ANKRD12: variants seen among roughly 807,000 people sequenced by gnomAD.
ANKRD12 encodes ankyrin repeat domain 12.
In ANKRD12, 85 loss-of-function variants were observed where a neutral mutation model predicts 183.4. That is an observed-to-expected ratio of 0.46 (90% CI 0.39 to 0.56). The LOEUF is 0.56. ANKRD12 is among the 20% of genes least tolerant of loss of function. The probability of loss-of-function intolerance (pLI) is 0.00; values close to 1 mark genes in which losing one functional copy is unlikely to be tolerated. For missense variants in ANKRD12, 2,405 were observed against 2,357.1 expected (o/e 1.02, Z -0.42); for synonymous variants, 914 against 800.2 (o/e 1.14, Z -2.40).
At chr18:9,149,757 C>T (rs1209795363) in intron 1 of ANKRD12, among the ~76,000 whole-genome samples, 1 of 149,608 alleles carries the variant, frequency 6.7e-6, no homozygotes, top group African/African-American at 2.5e-5. Flanking sequence ...TAAAGCAAAC[C>T]GACTATTTGT....
In ANKRD12 at chr18:9,285,905, TG is replaced by T. The variant is rs1349908847; in HGVS notation, c.*4780del. ...TGAGTAGTAGTGTATTGTACAAATT[TG>T]TTTATTCGTTCTCTTGTTGGTATTT... is the stretch of plus-strand genomic sequence containing the variant. On this transcript the variant is annotated 3_prime_UTR_variant, in exon 13 of 13. Transcript: ENST00000262126. 1 of 152,230 alleles carries T rather than the reference TG, an allele frequency of 6.6e-6. No individual in the cohort carries two copies. Among genetic ancestry groups the T allele is most frequent in the Non-Finnish European group, 1.5e-5 (1 of 68,028 alleles). 9.4% of individuals were successfully genotyped at this position (152,230 alleles called of 1,614,324 possible).
chr18:9,255,544 G>C lies in ANKRD12; in HGVS notation c.2277G>C (p.Glu759Asp). ...GAGACAAGATTAAAAAGGAAAGCGA[G>C]AAATCTTTTAGGGAGGAAAAAATAA... is the stretch of plus-strand genomic sequence containing the variant. ...EERDKIKKES[E>D]KSFREEKIKD... is the part of the protein sequence containing the mutation. The change falls in exon 9 of 13, where the codon GAG (glutamate) becomes GAC (aspartate). Residue 759 changes from glutamate (E) to aspartate (D), a missense_variant. This residue lies in a region of ANKRD12 where 1,983 missense variants were observed against 1,725.9 expected (regional missense o/e 1.15). Coordinates refer to ENST00000262126, the MANE Select transcript of ANKRD12 (RefSeq NM_015208.5). 3 of 1,576,058 alleles carry C rather than the reference G, an allele frequency of 1.9e-6. No homozygotes were observed. The highest frequency in any genetic ancestry group is 2.6e-6 in the Non-Finnish European group (3 of 1,169,874).
chr18:9,208,391 G>A (rs992248524), intron 4 of ANKRD12, among the ~76,000 whole-genome samples: 6 of 152,028 alleles, frequency 3.9e-5, no homozygotes, highest in African/African-American at 1.2e-4. Flanking sequence ...AGTCATTAAG[G>A]TAAAATTTTA....
chr18:9,251,800 A>C (rs1443683795), intron 8 of ANKRD12, among the ~76,000 whole-genome samples: 1 of 152,198 alleles, frequency 6.6e-6, no homozygotes, highest in East Asian at 1.9e-4. Context: ...CTCAAAAAAA[A>C]GAAAAAAGAA....
intron 2 of ANKRD12, among the ~76,000 whole-genome samples, chr18:9,185,398 G>T (rs1402536205): frequency 6.6e-6 from 1 of 152,128 alleles, no homozygotes; most frequent in Non-Finnish European, 1.5e-5. Context: ...TGTGTGTGAA[G>T]AAAAAATAGT....
chr18:9,192,495 T>G (rs2034514693), intron 2 of ANKRD12, among the ~76,000 whole-genome samples: 2 of 152,172 alleles, frequency 1.3e-5, no homozygotes. Flanking sequence ...TATAATTTTG[T>G]ATCTTGTGCT....
chr18:9,171,487 T>G (rs2032723941), intron 1 of ANKRD12, among the ~76,000 whole-genome samples: 2 of 152,188 alleles, frequency 1.3e-5, no homozygotes, highest in African/African-American at 4.8e-5. Flanking sequence ...GCTGGTTATT[T>G]GTTAGACTTG....
At chr18:9,144,843 T>C (rs761673138) in intron 1 of ANKRD12, among the ~76,000 whole-genome samples, 2 of 152,098 alleles carry the variant, frequency 1.3e-5, no homozygotes, top group Admixed American at 6.6e-5. Context: ...GGGGAAAATA[T>C]GTAATTTGCA....
chr18:9,253,743 CG>C (rs2038431924), intron 8 of ANKRD12, among the ~76,000 whole-genome samples: 1 of 152,090 alleles, frequency 6.6e-6, no homozygotes, highest in African/African-American at 2.4e-5. Context: ...GGCATAAATG[CG>C]GAGAAAGGGG....
intron 4 of ANKRD12, among the ~76,000 whole-genome samples, chr18:9,206,556 C>T (rs2144577539): frequency 6.6e-6 from 1 of 152,184 alleles, no homozygotes; most frequent in Middle Eastern, 3.4e-3. Flanking sequence ...AGCTGCCTTA[C>T]ACCGGCTGCT....
At chr18:9,247,815 T>G (rs1304486717) in intron 8 of ANKRD12, among the ~76,000 whole-genome samples, 1 of 151,554 alleles carries the variant, frequency 6.6e-6, no homozygotes, top group Non-Finnish European at 1.5e-5. Context: ...TTGTTTTGTT[T>G]TCTTGAGATG....
At chr18:9,251,744 C>T (rs558934860) in intron 8 of ANKRD12, among the ~76,000 whole-genome samples, 4 of 151,968 alleles carry the variant, frequency 2.6e-5, no homozygotes, top group South Asian at 2.1e-4. Context: ...CAGTGAGCCA[C>T]GATCACGCCA....
rs1360224050 is a variant in ANKRD12 at position 9,254,323 on chromosome 18, ACCT to A, written c.1058_1060del (p.Pro353del). On this transcript the variant is annotated inframe_deletion, in exon 9 of 13. Transcript: ENST00000262126. ...GTAAACAGATACTTCCCAGTAAAAC[ACCT>A]CTTCCATCTGCCCTTGATGAGTATG... 8 of 1,612,680 alleles carry A rather than the reference ACCT, an allele frequency of 5.0e-6. No homozygotes were observed. The highest frequency in any genetic ancestry group is 6.8e-6 in the Non-Finnish European group (8 of 1,179,458).
intron 3 of ANKRD12, among the ~76,000 whole-genome samples, chr18:9,203,629 G>A (rs964829940): frequency 1.3e-5 from 2 of 151,832 alleles, no homozygotes; most frequent in African/African-American, 2.4e-5. Flanking sequence ...TTTAAATGCA[G>A]AGTCTCACTC....
chr18:9,279,580 G>A lies in ANKRD12; in HGVS notation c.5939G>A (p.Arg1980His). 3 of 1,605,616 alleles carry A rather than the reference G, an allele frequency of 1.9e-6. No individual in the cohort carries two copies. The highest frequency in any genetic ancestry group is 2.5e-6 in the Non-Finnish European group (3 of 1,177,356). The change falls in exon 12 of 13, where the codon CGC becomes CAC. Residue 1980 changes from arginine (R) to histidine (H), a missense_variant. Around this residue, in one of 7 missense-constraint regions of ANKRD12, gnomAD observed 162 missense variants for 272.2 expected, o/e 0.60. Transcript: ENST00000262126. ...SDDSKTSVRD[R>H]FNARQFMSWL... ...GACAGTAAAACTTCTGTGAGGGATCGCTTTAATGCAAGACAATTCATGTCT... is the reference window on the plus strand; with the variant it reads ...GACAGTAAAACTTCTGTGAGGGATCACTTTAATGCAAGACAATTCATGTCT...
intron 2 of ANKRD12, among the ~76,000 whole-genome samples, chr18:9,187,599 T>TA (rs1437635114): frequency 6.6e-6 from 1 of 152,248 alleles, no homozygotes; most frequent in Admixed American, 6.5e-5. Flanking sequence ...AATTTTTATG[T>TA]AAAGTCCTCT....
intron 1 of ANKRD12, among the ~76,000 whole-genome samples, chr18:9,159,813 T>G (rs2031150224): frequency 6.6e-6 from 1 of 151,250 alleles, no homozygotes; most frequent in Non-Finnish European, 1.5e-5. Context: ...TTTTTTTTTT[T>G]TAATTATTTG....
rs531626395 is a variant in ANKRD12 at position 9,173,790 on chromosome 18, G to T, written c.-51-8592G>T. 5.9e-5 allele frequency among the ~76,000 whole-genome samples: 9 copies of T among 152,160 alleles called. No homozygotes were observed. In the East Asian group the frequency reaches 1.5e-3, roughly 26 times the overall value. ...GTAGATCAGGTGTGCTGAATTGGGG[G>T]TAACCGTTCCTTGCCCAGACTGCCT... On this transcript the variant is annotated intron_variant, in intron 1 of 12. Coordinates refer to ENST00000262126, the MANE Select transcript of ANKRD12 (RefSeq NM_015208.5).
rs775877613 is a variant in ANKRD12, at chr18:9,262,786, C to CTTTTTTTTT, written c.5665-1004_5665-1003insTTTTTTTTT. Among the ~76,000 whole-genome samples, 17 of 87,940 alleles carry CTTTTTTTTT rather than the reference C, an allele frequency of 1.9e-4. 6 individuals are homozygous for CTTTTTTTTT. Among genetic ancestry groups the CTTTTTTTTT allele is most frequent in the Admixed American group, 2.7e-4 (2 of 7,340 alleles). The allele number at this position is 87,940 out of a possible 152,430, so 57.7% of individuals were successfully genotyped here. A position where few individuals can be genotyped will look rare whatever the true frequency, so the allele number is the denominator to read the frequency against. On this transcript the variant is annotated intron_variant, in intron 9 of 12. Transcript: ENST00000262126. ...AGCCACCATGCCCAGCCAAGATGTC[C>CTTTTTTTTT]CTTTTTTTTTTTTTTTTTTTTTTTT...
Sources: allele counts gnomAD v4.1 joint callset (sites outside exome capture counted in the v4.1 genomes callset), GRCh38; gene constraint gnomAD v4.1.1; regional missense constraint gnomAD v4.1.1; transcripts MANE v1.5; gene names NCBI Gene and HGNC (gene_info 2026-07-23, HGNC 2026-07-21).